The following DOCK4 variants were observed in gnomAD, a reference collection of about 807,000 sequenced individuals.
DOCK4 encodes the protein dedicator of cytokinesis 4.
In DOCK4, 97 loss-of-function variants were observed where a neutral mutation model predicts 268.1. The observed-to-expected ratio is 0.36, with a 90% CI of 0.31 to 0.43. The LOEUF is 0.43. Ranked by LOEUF, DOCK4 falls within the 20% of genes least tolerant of loss-of-function variation. The pLI is 1.00. For synonymous variants in DOCK4, 954 were observed against 887.2 expected (o/e 1.08, Z -1.34); for missense variants, 2,145 against 2,455.7 (o/e 0.87, Z 2.67).
At chr7:111,738,561 G>A (rs1414271498) in intron 49 of DOCK4, among the ~76,000 whole-genome samples, 2 of 152,222 alleles carry the variant, frequency 1.3e-5, no homozygotes, top group Non-Finnish European at 2.9e-5. Context: ...TTAAGAAGCA[G>A]CAATGAAATA....
chr7:111,814,650 G>A lies in DOCK4; in HGVS notation c.2931-2701C>T, dbSNP rs549856823. Among the ~76,000 whole-genome samples, 11 of 152,306 alleles carry A rather than the reference G, an allele frequency of 7.2e-5. No individual in the cohort carries two copies. In the South Asian group the frequency reaches 2.1e-3, roughly 29 times the overall value. ...ACCACCCAATGAAGAGCAAGGCTCC[G>A]GAGTGGCCAGAATCAGAAATATTCC... On this transcript the variant is annotated intron_variant, in intron 27 of 52. Transcript: ENST00000428084.
At chr7:111,733,960 C>T (rs941455876) in intron 51 of DOCK4, among the ~76,000 whole-genome samples, 13 of 152,144 alleles carry the variant, frequency 8.5e-5, no homozygotes, top group Admixed American at 2.6e-4. Context: ...TGTTTTGTGG[C>T]AAGGTCTCAC....
At chr7:112,119,204 AG>A (rs1038471844) in intron 1 of DOCK4, among the ~76,000 whole-genome samples, 2 of 152,190 alleles carry the variant, frequency 1.3e-5, no homozygotes, top group African/African-American at 4.8e-5. Context: ...AGGGAAGCAG[AG>A]GAAGACAGAG....
rs192618696 is a variant in DOCK4 at position 112,021,581 on chromosome 7, C to G, written c.38-17450G>C. Among the ~76,000 whole-genome samples, 10 of 152,334 alleles carry G rather than the reference C, an allele frequency of 6.6e-5. No homozygotes were observed. The East Asian group carries it at 1.9e-3, about 29-fold the overall frequency. On this transcript the variant is annotated intron_variant, in intron 1 of 52. Coordinates refer to ENST00000428084, the MANE Select transcript of DOCK4 (RefSeq NM_001363540.2). ...TGGGTCCGCTCCATGAATCTGGCCA[C>G]CAGCCGAAGCACAGTATTTCATCCA...
At chr7:111,959,384 G>A (rs1052423003) in intron 8 of DOCK4, among the ~76,000 whole-genome samples, 23 of 152,088 alleles carry the variant, frequency 1.5e-4, no homozygotes, top group African/African-American at 5.1e-4. Flanking sequence ...TTTATAACAT[G>A]AAGCTACAAA....
chr7:112,090,201 T>C (rs1379729444), intron 1 of DOCK4, among the ~76,000 whole-genome samples: 4 of 152,184 alleles, frequency 2.6e-5, no homozygotes, highest in African/African-American at 7.2e-5. Flanking sequence ...AGGAAAATTA[T>C]ATGGTATCAT....
chr7:111,728,494 C>T lies in DOCK4; in HGVS notation c.5708G>A (p.Arg1903His), dbSNP rs761041628. The T allele has an allele frequency of 1.8e-5, 29 of 1,612,938 alleles. No homozygotes were observed. The highest frequency in any genetic ancestry group is 2.2e-5 in the Non-Finnish European group (26 of 1,179,658). The change falls in exon 53 of 53, where the codon CGC becomes CAC. Residue 1903 changes from arginine to histidine, a missense_variant. By Grantham distance (29) the Arg-to-His change is conservative. Coordinates refer to ENST00000428084, the MANE Select transcript of DOCK4 (RefSeq NM_001363540.2). ...CGGGGGCGGAGTCTTGCTCTCCTTG[C>T]GCACTGGCTCCTCCCCGCCGTAGCT... ...VPSYGGEEPV[R>H]KESKTPPPYS...
chr7:111,788,551 T>G (rs1285259940), intron 32 of DOCK4, 111 bp downstream of exon 32: 1 of 834,060 alleles, frequency 1.2e-6, no homozygotes, highest in African/African-American at 1.7e-5. Flanking sequence ...AAAGCCCTCC[T>G]GTGAGACCTA....
intron 4 of DOCK4, among the ~76,000 whole-genome samples, chr7:111,997,512 T>C (rs1024941405): frequency 6.6e-6 from 1 of 152,218 alleles, no homozygotes; most frequent in African/African-American, 2.4e-5. Flanking sequence ...GCTGTTTCCC[T>C]GAACTGAAAT....
chr7:112,077,541 A>T (rs1480666824), intron 1 of DOCK4, among the ~76,000 whole-genome samples: 3 of 152,178 alleles, frequency 2.0e-5, no homozygotes, highest in African/African-American at 4.8e-5. Context: ...GTATTTAGAA[A>T]AAGTCACTAA....
At position 112,166,398 on chromosome 7, in the gene DOCK4, TATCCACCGCCTCCAAA is replaced by T. The variant is rs376673442; in HGVS notation, c.37+39688_37+39703del. On this transcript the variant is annotated intron_variant, in intron 1 of 52. Transcript: ENST00000428084. ...CTCACTACAATCTATGCCACGAGCA[TATCCACCGCCTCCAAA>T]AGATTCCTCCTGTCCACTATTATTC... Among the ~76,000 whole-genome samples the T allele has an allele frequency of 4.5e-3, 689 of 152,312 alleles. 6 individuals carry two copies. The highest frequency in any genetic ancestry group is 0.016 in the African/African-American group (663 of 41,570).
At chr7:112,036,174 T>C (rs900085069) in intron 1 of DOCK4, among the ~76,000 whole-genome samples, 11 of 151,916 alleles carry the variant, frequency 7.2e-5, no homozygotes, top group Non-Finnish European at 1.2e-4. Flanking sequence ...TGTAAACATG[T>C]AAAAACTCAG....
intron 39 of DOCK4, among the ~76,000 whole-genome samples, chr7:111,763,530 A>G (rs1797582352): frequency 1.3e-5 from 2 of 152,240 alleles, no homozygotes; most frequent in African/African-American, 4.8e-5. Flanking sequence ...CCAATTTGCT[A>G]AACTCTCTTT....
At chr7:112,047,663 A>C (rs1034720866) in intron 1 of DOCK4, among the ~76,000 whole-genome samples, 1 of 152,124 alleles carries the variant, frequency 6.6e-6, no homozygotes, top group African/African-American at 2.4e-5. Context: ...ACTATCCTAA[A>C]TGAAACACAG....
chr7:111,781,490 T>A (rs949215621), intron 35 of DOCK4, among the ~76,000 whole-genome samples: 1 of 152,218 alleles, frequency 6.6e-6, no homozygotes, highest in Non-Finnish European at 1.5e-5. Flanking sequence ...TCTGACCCAG[T>A]GAGCGTGGGC....
At chr7:112,094,165 C>T (rs1809892129) in intron 1 of DOCK4, among the ~76,000 whole-genome samples, 1 of 152,002 alleles carries the variant, frequency 6.6e-6, no homozygotes, top group South Asian at 2.1e-4. Context: ...AAATAAAACA[C>T]TCCTTACTTC....
At chr7:111,817,642 A>T (rs1801655783) in intron 27 of DOCK4, among the ~76,000 whole-genome samples, 1 of 152,194 alleles carries the variant, frequency 6.6e-6, no homozygotes, top group Non-Finnish European at 1.5e-5. Flanking sequence ...CCTTGCATGC[A>T]ATCCTATCCC....
chr7:111,944,924 G>T, intron 9 of DOCK4, 53 bp from the exon 10 acceptor site: 2 of 1,415,014 alleles, frequency 1.4e-6, no homozygotes, highest in Non-Finnish European at 2.0e-6. Flanking sequence ...GCACTTAAAG[G>T]GCATAGCACT....
chr7:111,861,683 T>C (rs1294171012), intron 23 of DOCK4, among the ~76,000 whole-genome samples: 1 of 151,096 alleles, frequency 6.6e-6, no homozygotes, highest in African/African-American at 2.4e-5. Context: ...GAGACGGTAG[T>C]TGCAGTGAGC....
Sources: gnomAD v4.1 joint callset for allele counts (sites outside exome capture counted in the v4.1 genomes callset) on GRCh38, gnomAD v4.1.1 for gene constraint, MANE v1.5 for transcripts, NCBI Gene and HGNC (gene_info 2026-07-23, HGNC 2026-07-21) for gene names.